Variants in DOCK3 observed in about 807,000 individuals in gnomAD.
DOCK3 encodes the protein dedicator of cytokinesis 3.
A neutral mutation model predicts 265.6 loss-of-function variants in DOCK3; 60 were observed. The ratio of observed to expected loss-of-function variants is 0.23; its 90% CI spans 0.18 to 0.28. The LOEUF (loss-of-function observed/expected upper bound fraction) is 0.28, where lower values mean the gene tolerates loss of function less well. Ranked by LOEUF, DOCK3 falls within the 10% of genes least tolerant of loss-of-function variation. The probability of loss-of-function intolerance (pLI) is 1.00; values close to 1 mark genes in which losing one functional copy is unlikely to be tolerated. For missense variants in DOCK3, 1,981 were observed against 2,594.3 expected (o/e 0.76, Z 5.14); for synonymous variants, 881 against 938.0 (o/e 0.94, Z 1.11).
chr3:50,801,153 C>T (rs1422622515), intron 2 of DOCK3, among the ~76,000 whole-genome samples: 2 of 152,052 alleles, frequency 1.3e-5, no homozygotes, highest in East Asian at 1.9e-4. Context: ...GGTGCACCCT[C>T]ACAGATGGAG....
chr3:50,694,392 C>T (rs2035472915), intron 1 of DOCK3, among the ~76,000 whole-genome samples: 1 of 152,176 alleles, frequency 6.6e-6, no homozygotes. Context: ...AAAAGAGTTT[C>T]AGGATAGCCA....
chr3:51,290,551 G>A (rs935893821), intron 27 of DOCK3, among the ~76,000 whole-genome samples: 2 of 152,050 alleles, frequency 1.3e-5, no homozygotes, highest in African/African-American at 4.8e-5. Flanking sequence ...TGGGGGAGAG[G>A]GGAGGGATAG....
intron 19 of DOCK3, among the ~76,000 whole-genome samples, chr3:51,233,149 A>G (rs978448094): frequency 1.3e-5 from 2 of 152,136 alleles, no homozygotes; most frequent in Non-Finnish European, 2.9e-5. Context: ...GTTTCTTCTA[A>G]TTCTGGGAAA....
chr3:51,139,735 G>A (rs1428152705), intron 9 of DOCK3, among the ~76,000 whole-genome samples: 1 of 152,224 alleles, frequency 6.6e-6, no homozygotes, highest in African/African-American at 2.4e-5. Context: ...AGGTAAAGGA[G>A]TACTGCTCTT....
chr3:51,129,161 C>T (rs574606417), intron 9 of DOCK3, among the ~76,000 whole-genome samples: 2 of 152,346 alleles, frequency 1.3e-5, no homozygotes, highest in Admixed American at 6.5e-5. Context: ...GCACATCTGG[C>T]CATTTCTCCT....
chr3:51,237,038 C>T (rs1323566116), intron 20 of DOCK3, among the ~76,000 whole-genome samples: 1 of 152,120 alleles, frequency 6.6e-6, no homozygotes, highest in Non-Finnish European at 1.5e-5. Context: ...GCCCCTCCGG[C>T]TCTTCTTCTT....
chr3:50,794,700 T>C (rs993576593), intron 2 of DOCK3, among the ~76,000 whole-genome samples: 62 of 152,334 alleles, frequency 4.1e-4, no homozygotes, highest in African/African-American at 1.4e-3. Flanking sequence ...ACTCTGCACC[T>C]TTTAATTGGG....
intron 3 of DOCK3, among the ~76,000 whole-genome samples, chr3:50,887,069 C>T (rs1235752146): frequency 6.6e-6 from 1 of 151,950 alleles, no homozygotes; most frequent in Non-Finnish European, 1.5e-5. Context: ...TTAATGAATC[C>T]AGGAGCTGGT....
chr3:51,105,214 TA>T (rs2083238085), intron 9 of DOCK3, among the ~76,000 whole-genome samples: 1 of 152,058 alleles, frequency 6.6e-6, no homozygotes, highest in African/African-American at 2.4e-5. Context: ...GCCTTATGTA[TA>T]AAGAAGATGA....
chr3:51,045,215 T>G (rs1425657120), intron 5 of DOCK3, among the ~76,000 whole-genome samples: 1 of 152,132 alleles, frequency 6.6e-6, no homozygotes, highest in Non-Finnish European at 1.5e-5. Context: ...AGAGGCCCAT[T>G]GTAGAGTTAT....
chr3:51,103,170 A>T (rs2083150006), intron 9 of DOCK3, among the ~76,000 whole-genome samples: 1 of 152,236 alleles, frequency 6.6e-6, no homozygotes, highest in African/African-American at 2.4e-5. Flanking sequence ...TCTAATGGAA[A>T]ATATAAATAT....
chr3:50,968,553 A>ATTATTTT (rs2077100515), intron 5 of DOCK3, among the ~76,000 whole-genome samples: 1 of 139,362 alleles, frequency 7.2e-6, no homozygotes, highest in Non-Finnish European at 1.6e-5. Context: ...TATGATTTCA[A>ATTATTTT]TTTTTTTTTT....
At chr3:50,908,959 A>G (rs181764492) in intron 4 of DOCK3, among the ~76,000 whole-genome samples, 3,014 of 148,842 alleles carry the variant, frequency 0.02, 37 homozygotes, top group Non-Finnish European at 0.029. Context: ...ACCTTTTATC[A>G]TTATGTAATG....
chr3:50,979,838 T>C (rs776696160), intron 5 of DOCK3, among the ~76,000 whole-genome samples: 2 of 152,238 alleles, frequency 1.3e-5, no homozygotes, highest in Admixed American at 1.3e-4. Context: ...ATTTATTAGT[T>C]CTAAGAGTGT....
intron 1 of DOCK3, among the ~76,000 whole-genome samples, chr3:50,714,679 C>T (rs1275751066): frequency 6.6e-6 from 1 of 152,126 alleles, no homozygotes; most frequent in Non-Finnish European, 1.5e-5. Context: ...TCCAGCAGTC[C>T]TTCTGCCTCA....
intron 1 of DOCK3, chr3:50,719,939 T>A (rs1439262104): frequency 3.9e-6 from 2 of 508,068 alleles, no homozygotes; most frequent in African/African-American, 1.9e-5. Context: ...GGGCGTACCG[T>A]CCACAGTGAT....
rs112445400 is a variant in DOCK3 at position 51,067,175 on chromosome 3, T to C, written c.464+2579T>C. ...TGACACTAATAAATGTGTAATTCAT[T>C]ATGTTGCAGTTTAACTGCAACTATA... On this transcript the variant is annotated intron_variant, in intron 6 of 52. Transcript: ENST00000266037. 4.6e-5 allele frequency among the ~76,000 whole-genome samples: 7 copies of C among 152,346 alleles called. 2 individuals are homozygous for C. Among genetic ancestry groups the C allele is most frequent in the African/African-American group, 1.7e-4 (7 of 41,586 alleles).
chr3:50,859,727 G>A (rs561942815), intron 3 of DOCK3, among the ~76,000 whole-genome samples: 73 of 152,254 alleles, frequency 4.8e-4, no homozygotes, highest in Non-Finnish European at 9.4e-4. Context: ...AGTTATGTTA[G>A]TGAGGTATTT....
intron 32 of DOCK3, among the ~76,000 whole-genome samples, chr3:51,323,862 C>A (rs1310804460): frequency 6.6e-6 from 1 of 152,102 alleles, no homozygotes; most frequent in Non-Finnish European, 1.5e-5. Context: ...GATGGAGACA[C>A]ACAAAAACCC....
Sources: allele counts gnomAD v4.1 joint callset (sites outside exome capture counted in the v4.1 genomes callset), GRCh38; gene constraint gnomAD v4.1.1; transcripts MANE v1.5; gene names NCBI Gene and HGNC (gene_info 2026-07-23, HGNC 2026-07-21).